The following TMEM30A variants were observed in gnomAD, a reference collection of about 807,000 sequenced individuals.
TMEM30A encodes cell cycle control protein 50A.
In TMEM30A, 24 loss-of-function variants were observed where a neutral mutation model predicts 38.2. That is an observed-to-expected ratio of 0.63 (90% confidence interval 0.46 to 0.88). The LOEUF (loss-of-function observed/expected upper bound fraction) is 0.88. Among genes scored for constraint, TMEM30A ranks in the 40% least tolerant of loss-of-function variants. The probability of loss-of-function intolerance (pLI) is 0.00; values close to 1 mark genes in which losing one functional copy is unlikely to be tolerated. For missense variants in TMEM30A, 370 were observed against 458.6 expected (o/e 0.81, Z 1.77); for synonymous variants, 145 against 161.6 (o/e 0.90, Z 0.78).
intron 3 of TMEM30A, among the ~76,000 whole-genome samples, chr6:75,264,304 T>TG (rs1375301116): frequency 1.3e-5 from 2 of 152,216 alleles, no homozygotes; most frequent in Admixed American, 6.5e-5. Flanking sequence ...TAAATTGCTC[T>TG]GGGCCTCTGA....
rs546710176 is a variant in TMEM30A at position 75,284,718 on chromosome 6, G to T, written c.-80C>A. ...CGGCTGACCCTGACAGGAACCGCTC[G>T]AGCGCCGCTGCCGCCGCCGCCGCCG... On this transcript the variant is annotated 5_prime_UTR_variant, in exon 1 of 7. Coordinates refer to ENST00000230461, the MANE Select transcript of TMEM30A (RefSeq NM_018247.4). The T allele has an allele frequency of 6.4e-5, 93 of 1,457,488 alleles. 1 individual carries two copies. The highest frequency in any genetic ancestry group is 1.9e-4 in the Middle Eastern group (1 of 5,376). The allele number at this position is 1,457,488 out of a possible 1,614,324, so 90.3% of individuals were successfully genotyped here.
At chr6:75,266,465 T>C (rs1398183795) in intron 2 of TMEM30A, among the ~76,000 whole-genome samples, 2 of 152,196 alleles carry the variant, frequency 1.3e-5, no homozygotes, top group East Asian at 3.8e-4. Flanking sequence ...ATTTGTAAAC[T>C]GAAAAAGAGA....
intron 1 of TMEM30A, among the ~76,000 whole-genome samples, chr6:75,269,028 A>C (rs188569449): frequency 7.2e-5 from 11 of 152,330 alleles, no homozygotes; most frequent in Admixed American, 3.3e-4. Context: ...TAAGGTTCAC[A>C]GCAAAACTGA....
intron 1 of TMEM30A, among the ~76,000 whole-genome samples, chr6:75,283,858 T>A (rs890907373): frequency 1.3e-5 from 2 of 152,242 alleles, no homozygotes; most frequent in Admixed American, 1.3e-4. Flanking sequence ...TGTGACCTGA[T>A]AACATGCGAC....
rs1771854689 is a variant in TMEM30A at position 75,255,631 on chromosome 6, T to C, written c.*471A>G. Reference sequence around the variant, plus strand: ...ATTTATACACATGAAAATGATGAAGTGTATTATTTAGATATGGTCTTTCTT... The same window carrying C: ...ATTTATACACATGAAAATGATGAAGCGTATTATTTAGATATGGTCTTTCTT... On this transcript the variant is annotated 3_prime_UTR_variant, in exon 7 of 7. Transcript: ENST00000230461. 6.5e-6 allele frequency: 1 copy of C among 152,892 alleles called. No individual in the cohort carries two copies. Among genetic ancestry groups the C allele is most frequent in the Non-Finnish European group, 1.5e-5 (1 of 68,256 alleles). 9.5% of individuals were successfully genotyped at this position (152,892 alleles called of 1,614,324 possible).
Position 75,254,614 on chromosome 6 carries a change from A to G in TMEM30A, c.*1488T>C, listed in dbSNP as rs1281881431. The G allele has an allele frequency of 6.6e-6, 1 of 152,134 alleles. No individual in the cohort carries two copies. The highest frequency in any genetic ancestry group is 1.5e-5 in the Non-Finnish European group (1 of 67,968). 9.4% of individuals were successfully genotyped at this position (152,134 alleles called of 1,614,324 possible). ...TTGTTTTTTGTTTTTTAAAAAAAGT[A>G]TATATTAATCAAAAGTATACATTAC... is the stretch of plus-strand genomic sequence containing the variant. On this transcript the variant is annotated 3_prime_UTR_variant, in exon 7 of 7. Transcript: ENST00000230461.
At chr6:75,269,379 T>C (rs1772127605) in intron 1 of TMEM30A, among the ~76,000 whole-genome samples, 1 of 152,230 alleles carries the variant, frequency 6.6e-6, no homozygotes, top group African/African-American at 2.4e-5. Context: ...CAGAATGTTA[T>C]ATATGAAATC....
At chr6:75,257,696 A>G (rs1189560620) in intron 6 of TMEM30A, among the ~76,000 whole-genome samples, 1 of 152,202 alleles carries the variant, frequency 6.6e-6, no homozygotes, top group African/African-American at 2.4e-5. Flanking sequence ...ATAGCAGGCC[A>G]TATTTACTTG....
intron 1 of TMEM30A, among the ~76,000 whole-genome samples, chr6:75,283,058 A>G (rs1010380469): frequency 9.2e-5 from 14 of 152,196 alleles, no homozygotes; most frequent in Admixed American, 6.5e-5. Flanking sequence ...CTGAAAAAAA[A>G]TACTGTAACT....
At chr6:75,276,589 G>A (rs564933664) in intron 1 of TMEM30A, among the ~76,000 whole-genome samples, 2 of 152,256 alleles carry the variant, frequency 1.3e-5, no homozygotes, top group East Asian at 1.9e-4. Flanking sequence ...GTTGAGTGGT[G>A]TGCGAGACTA....
intron 3 of TMEM30A, among the ~76,000 whole-genome samples, chr6:75,262,499 C>T (rs181030375): frequency 1.2e-4 from 18 of 151,970 alleles, no homozygotes; most frequent in African/African-American, 3.6e-4. Context: ...AAAAATTAGC[C>T]GGGCATGGTG....
Position 75,259,466 on chromosome 6 carries a change from C to G in TMEM30A, c.566G>C (p.Gly189Ala), listed in dbSNP as rs746182570. The change falls in exon 5 of 7, where the codon GGC becomes GCC. Residue 189 changes from glycine (G) to alanine (A), a missense_variant. By Grantham distance (60) the Gly-to-Ala change is moderately conservative. Transcript: ENST00000230461. Reference protein sequence around the residue: ...FNDTLELFLIGNDSYPIPIAL... With the variant: ...FNDTLELFLIANDSYPIPIAL... ...GATAGGTATAGGATAAGAATCATTGCCAATGAGAAACAATTCTAATGTATC... is the reference window on the plus strand; with the variant it reads ...GATAGGTATAGGATAAGAATCATTGGCAATGAGAAACAATTCTAATGTATC... 3.1e-6 allele frequency: 5 copies of G among 1,605,444 alleles called. No individual in the cohort carries two copies. The African/African-American group carries it at 5.4e-5, about 17-fold the overall frequency.
chr6:75,258,215 T>C (rs1042399869), intron 6 of TMEM30A, among the ~76,000 whole-genome samples: 3 of 152,158 alleles, frequency 2.0e-5, no homozygotes, highest in Non-Finnish European at 4.4e-5. Context: ...CTGAATTAAG[T>C]AATGAGCGGA....
At chr6:75,279,404 C>A (rs953269385) in intron 1 of TMEM30A, among the ~76,000 whole-genome samples, 4 of 151,806 alleles carry the variant, frequency 2.6e-5, no homozygotes, top group Non-Finnish European at 4.4e-5. Flanking sequence ...TGGGTTGTAA[C>A]AACTTTATTC....
intron 1 of TMEM30A, among the ~76,000 whole-genome samples, chr6:75,281,841 T>C (rs1345990808): frequency 6.6e-6 from 1 of 152,172 alleles, no homozygotes; most frequent in East Asian, 1.9e-4. Flanking sequence ...ATTACCCATT[T>C]ACAACTAGTG....
chr6:75,260,999 T>G, intron 3 of TMEM30A, 88 bp from the exon 4 acceptor site: 1 of 809,334 alleles, frequency 1.2e-6, no homozygotes, highest in Non-Finnish European at 1.9e-6. Flanking sequence ...GATTAAGAAT[T>G]CAACACCTAT....
Position 75,269,781 on chromosome 6 carries a change from G to A in TMEM30A, c.238-2033C>T, listed in dbSNP as rs112933387. On this transcript the variant is annotated intron_variant, in intron 1 of 6. Coordinates refer to ENST00000230461, the MANE Select transcript of TMEM30A (RefSeq NM_018247.4). ...ACAATCTCGGCTCACTGCAACCTCC[G>A]CCTCCTGGGTTCAAGTGATTCTCCT... Among the ~76,000 whole-genome samples, 257 of 152,022 alleles carry A rather than the reference G, an allele frequency of 1.7e-3. 1 individual carries two copies. The highest frequency in any genetic ancestry group is 0.015 in the South Asian group (71 of 4,810).
At chr6:75,264,489 A>C (rs974662818) in intron 3 of TMEM30A, among the ~76,000 whole-genome samples, 1 of 152,024 alleles carries the variant, frequency 6.6e-6, no homozygotes, top group African/African-American at 2.4e-5. Context: ...TACAAAAATT[A>C]GCCGGGCTTG....
At chr6:75,279,347 C>T (rs1011481206) in intron 1 of TMEM30A, among the ~76,000 whole-genome samples, 4 of 152,062 alleles carry the variant, frequency 2.6e-5, no homozygotes, top group African/African-American at 4.8e-5. Context: ...CTTAATAAAA[C>T]CTTATGGGCC....
Sources: allele counts gnomAD v4.1 joint callset (sites outside exome capture counted in the v4.1 genomes callset), GRCh38; gene constraint gnomAD v4.1.1; transcripts MANE v1.5; gene names NCBI Gene and HGNC (gene_info 2026-07-23, HGNC 2026-07-21).